Variants in CA13 observed in about 807,000 individuals in gnomAD.
CA13 encodes CA-XIII.
CA13 carries 21 observed loss-of-function variants against 31.5 expected under a neutral mutation model. That is an observed-to-expected ratio of 0.67 (90% confidence interval 0.47 to 0.96). The LOEUF (loss-of-function observed/expected upper bound fraction) is 0.96. Among genes scored for constraint, CA13 ranks in the 40% least tolerant of loss-of-function variants. The probability of loss-of-function intolerance (pLI) is 0.00; values close to 1 mark genes in which losing one functional copy is unlikely to be tolerated. For synonymous variants in CA13, 117 were observed against 111.4 expected, an observed-to-expected ratio of 1.05 and a Z score of -0.32; for missense variants, 315 against 318.9, an observed-to-expected ratio of 0.99 and a Z score of 0.09.
chr8:85,273,123 A>G (rs1807550813), intron 6 of CA13, among the ~76,000 whole-genome samples: 1 of 152,158 alleles, frequency 6.6e-6, no homozygotes, highest in Non-Finnish European at 1.5e-5. Flanking sequence ...CAGCTGAGTA[A>G]AGTACTACTA....
At chr8:85,250,120 T>C (rs1813800804) in intron 1 of CA13, among the ~76,000 whole-genome samples, 1 of 152,214 alleles carries the variant, frequency 6.6e-6, no homozygotes, top group Non-Finnish European at 1.5e-5. Flanking sequence ...TAATCAACAA[T>C]ATTACGTTTC....
intron 4 of CA13, chr8:85,267,402 G>A (rs976879276): frequency 5.1e-6 from 3 of 589,906 alleles, no homozygotes; most frequent in South Asian, 7.6e-5. Flanking sequence ...GATCATTTAT[G>A]TATCTATAAT....
intron 2 of CA13, among the ~76,000 whole-genome samples, chr8:85,254,480 C>T (rs997657850): frequency 1.6e-4 from 25 of 152,084 alleles, no homozygotes; most frequent in African/African-American, 4.6e-4. Context: ...TTTCCTTCTA[C>T]TTCGGGTTAA....
At chr8:85,251,908 C>G (rs560063783) in intron 2 of CA13, among the ~76,000 whole-genome samples, 8 of 151,984 alleles carry the variant, frequency 5.3e-5, no homozygotes, top group East Asian at 1.9e-4. Flanking sequence ...GAATTTTTTT[C>G]TTGTTTAAAA....
Position 85,250,919 on chromosome 8 carries a change from G to A in CA13, c.217G>A (p.Asp73Asn). The change falls in exon 2 of 7, where the codon GAC (aspartate) becomes AAC (asparagine). Residue 73 changes from aspartate (D) to asparagine (N), a missense_variant. Coordinates refer to ENST00000321764, the MANE Select transcript of CA13 (RefSeq NM_198584.3). The stretch of plus-strand genomic sequence containing the variant: ...CCATTCCTTCAATGTTGACTTTGAT[G>A]ACACAGAGAACAAATCAGGTTGGCT... ...SGHSFNVDFD[D>N]TENKSVLRGG... is the part of the protein sequence containing the mutation. 1 of 1,613,578 alleles carries A rather than the reference G, an allele frequency of 6.2e-7. No individual in the cohort carries two copies. The highest frequency in any genetic ancestry group is 8.5e-7 in the Non-Finnish European group (1 of 1,179,902).
At chr8:85,271,585 A>G (rs1449011567) in intron 6 of CA13, among the ~76,000 whole-genome samples, 1 of 152,190 alleles carries the variant, frequency 6.6e-6, no homozygotes, top group African/African-American at 2.4e-5. Flanking sequence ...GGGTTATCCT[A>G]AATCATCAAA....
At chr8:85,271,154 C>T (rs924940292) in intron 6 of CA13, among the ~76,000 whole-genome samples, 2 of 152,134 alleles carry the variant, frequency 1.3e-5, no homozygotes, top group Admixed American at 6.5e-5. Context: ...AATTCAGTCC[C>T]AGTCTAACCA....
At position 85,258,759 on chromosome 8, in the gene CA13, C is replaced by CAAAAA. The variant is rs33933991; in HGVS notation, c.236-637_236-633dup. ...ATAACATAGTGAGGCCCTGTCTCTA[C>CAAAAA]AAAAAAAAAAAAAAAAAAAAAAAAA... On this transcript the variant is annotated intron_variant, in intron 2 of 6. Coordinates refer to ENST00000321764, the MANE Select transcript of CA13 (RefSeq NM_198584.3). Among the ~76,000 whole-genome samples, 167 of 43,456 alleles carry CAAAAA rather than the reference C, an allele frequency of 3.8e-3. 22 individuals carry two copies. Among genetic ancestry groups the CAAAAA allele is most frequent in the African/African-American group, 0.011 (110 of 10,048 alleles). The allele number at this position is 43,456 out of a possible 152,430, so 28.5% of individuals were successfully genotyped here.
intron 4 of CA13, chr8:85,267,422 G>A: frequency 2.1e-6 from 1 of 475,266 alleles, no homozygotes; most frequent in South Asian, 9.1e-5. Context: ...TTTATGATGA[G>A]TTTGCTTATG....
Position 85,245,755 on chromosome 8 carries a change from C to T in CA13, c.-74C>T. The T allele has an allele frequency of 1.3e-6, 2 of 1,564,758 alleles. No individual in the cohort carries two copies. The highest frequency in any genetic ancestry group is 3.3e-5 in the Admixed American group (2 of 59,832). On this transcript the variant is annotated 5_prime_UTR_variant, in exon 1 of 7. Transcript: ENST00000321764. ...CGGTCCCGCCCTAGCAGGCTCCTTC[C>T]CGGGCCCCTCCCCGCTCCCTCCTCT...
At chr8:85,276,068 G>A (rs1405101569) in intron 6 of CA13, among the ~76,000 whole-genome samples, 1 of 152,182 alleles carries the variant, frequency 6.6e-6, no homozygotes, top group East Asian at 1.9e-4. Context: ...TGGAGGGAGA[G>A]GCGTGGGCGG....
intron 2 of CA13, among the ~76,000 whole-genome samples, chr8:85,256,644 A>C (rs987486564): frequency 6.6e-6 from 1 of 152,246 alleles, no homozygotes; most frequent in Non-Finnish European, 1.5e-5. Context: ...CCAGGAGCCA[A>C]GATAGCTAGG....
At chr8:85,246,184 A>G in intron 1 of CA13, 1 of 510,602 alleles carries the variant, frequency 2.0e-6, no homozygotes, top group South Asian at 2.0e-5. Context: ...ACAGCCACGT[A>G]TCAATTACAG....
intron 4 of CA13, 69 bp downstream of exon 4, chr8:85,266,772 A>T: frequency 3.5e-6 from 4 of 1,142,784 alleles, no homozygotes; most frequent in Non-Finnish European, 5.2e-6. Flanking sequence ...CACGAAGTAG[A>T]CATTCAACCA....
At chr8:85,270,791 G>T (rs1807517834) in intron 6 of CA13, among the ~76,000 whole-genome samples, 1 of 152,104 alleles carries the variant, frequency 6.6e-6, no homozygotes, top group African/African-American at 2.4e-5. Flanking sequence ...AAAATATATA[G>T]TTTAGTTCCT....
In CA13 at chr8:85,259,244, A is replaced by G. The variant is rs117392634; in HGVS notation, c.236-177A>G. Among the ~76,000 whole-genome samples the G allele has an allele frequency of 3.2e-3, 477 of 150,632 alleles. 3 individuals carry two copies. In the East Asian group the frequency reaches 0.034, roughly 11 times the overall value. Reference sequence around the variant, plus strand: ...TGCTTTAAGCTTTTAAAAATGTTCTATTTTCAATCTACACATATTTAAAAG... The same window carrying G: ...TGCTTTAAGCTTTTAAAAATGTTCTGTTTTCAATCTACACATATTTAAAAG... On this transcript the variant is annotated intron_variant, in intron 2 of 6. Coordinates refer to ENST00000321764, the MANE Select transcript of CA13 (RefSeq NM_198584.3).
Position 85,245,531 on chromosome 8 carries a change from C to CGGTGGT in CA13, c.-298_-297insGGTGGT. 2.4e-6 allele frequency: 1 copy of CGGTGGT among 419,850 alleles called. No homozygotes were observed. The highest frequency in any genetic ancestry group is 4.5e-5 in the Admixed American group (1 of 22,370). The allele number at this position is 419,850 out of a possible 1,614,324, so 26.0% of individuals were successfully genotyped here. A position where few individuals can be genotyped will look rare whatever the true frequency, so the allele number is the denominator to read the frequency against. ...CGACTCCTCAGAAGGCAGGAGATCC[C>CGGTGGT]CCCCGGAAACCTTTCTCTCTCCGTC... is the stretch of plus-strand genomic sequence containing the variant. On this transcript the variant is annotated 5_prime_UTR_variant, in exon 1 of 7. Coordinates refer to ENST00000321764, the MANE Select transcript of CA13 (RefSeq NM_198584.3).
chr8:85,273,154 G>A (rs2129997603), intron 6 of CA13, among the ~76,000 whole-genome samples: 1 of 152,330 alleles, frequency 6.6e-6, no homozygotes, highest in South Asian at 2.1e-4. Flanking sequence ...TAAAGTGGCT[G>A]TGTCATATTA....
intron 5 of CA13, 23 bp from the exon 6 acceptor site, chr8:85,268,449 G>T: frequency 1.9e-6 from 3 of 1,612,958 alleles, no homozygotes; most frequent in Non-Finnish European, 2.5e-6. Context: ...TGTAATTTGT[G>T]GGAATTCTTT....
Sources: gnomAD v4.1 joint callset for allele counts (sites outside exome capture counted in the v4.1 genomes callset) on GRCh38, gnomAD v4.1.1 for gene constraint, MANE v1.5 for transcripts, NCBI Gene and HGNC (gene_info 2026-07-23, HGNC 2026-07-21) for gene names.